Variants in ADGRG7 observed in about 807,000 individuals in gnomAD.
The protein encoded by ADGRG7 is adhesion G protein-coupled receptor G7.
Under a neutral mutation model 88.6 loss-of-function variants are expected in ADGRG7, and 82 were observed. That is an observed-to-expected ratio of 0.93 (90% CI 0.77 to 1.11). The LOEUF (loss-of-function observed/expected upper bound fraction) is 1.11. Among genes scored for constraint, ADGRG7 ranks in the 50% most tolerant of loss-of-function variants. The pLI is 0.00. For missense variants in ADGRG7, 945 were observed against 953.4 expected, an observed-to-expected ratio of 0.99 and a Z score of 0.12; for synonymous variants, 381 against 345.2, an observed-to-expected ratio of 1.10 and a Z score of -1.15.
chr3:100,652,444 C>T (rs1359724389), intron 11 of ADGRG7, among the ~76,000 whole-genome samples: 1 of 151,968 alleles, frequency 6.6e-6, no homozygotes, highest in Non-Finnish European at 1.5e-5. Flanking sequence ...AATGGTATTC[C>T]AAGAGGTCTT....
intron 14 of ADGRG7, among the ~76,000 whole-genome samples, chr3:100,664,709 T>G (rs2094949657): frequency 1.3e-5 from 2 of 152,208 alleles, no homozygotes; most frequent in South Asian, 4.1e-4. Flanking sequence ...AGGAGGCAAC[T>G]GTTGTCTCTC....
chr3:100,678,724 T>C (rs2094968890), intron 15 of ADGRG7, among the ~76,000 whole-genome samples: 1 of 152,228 alleles, frequency 6.6e-6, no homozygotes, highest in Admixed American at 6.5e-5. Flanking sequence ...CTTGGCATCT[T>C]AGGTAAGATC....
At chr3:100,643,488 T>G (rs902527467) in intron 7 of ADGRG7, 38 bp from the exon 8 acceptor site, 1 of 1,605,120 alleles carries the variant, frequency 6.2e-7, no homozygotes. Flanking sequence ...CTCATGATAA[T>G]GTAGACTTTT....
chr3:100,693,012 T>C (rs757491986), intron 15 of ADGRG7, among the ~76,000 whole-genome samples: 1 of 152,198 alleles, frequency 6.6e-6, no homozygotes, highest in Non-Finnish European at 1.5e-5. Flanking sequence ...CTACAGATAT[T>C]ACTTAGAAGG....
intron 15 of ADGRG7, among the ~76,000 whole-genome samples, chr3:100,684,251 T>TTTTATTTATTTATTTATTTA (rs1214410103): frequency 6.8e-5 from 3 of 44,016 alleles, no homozygotes; most frequent in Non-Finnish European, 1.1e-4. Flanking sequence ...AGTTTTTCCA[T>TTTTATTTATTTATTTATTTA]TTTATCTATT....
chr3:100,654,576 A>C, intron 11 of ADGRG7: 1 of 302,152 alleles, frequency 3.3e-6, no homozygotes, highest in Non-Finnish European at 6.1e-6. Flanking sequence ...ATTAGCTATC[A>C]CTTTTGATCA....
chr3:100,620,491 A>T (rs1293377911), intron 1 of ADGRG7, among the ~76,000 whole-genome samples: 1 of 152,196 alleles, frequency 6.6e-6, no homozygotes, highest in East Asian at 1.9e-4. Context: ...CCCTTTGAAA[A>T]CTGGCACAAG....
chr3:100,652,996 T>C (rs1293584365), intron 11 of ADGRG7, among the ~76,000 whole-genome samples: 2 of 152,234 alleles, frequency 1.3e-5, no homozygotes, highest in East Asian at 3.8e-4. Context: ...CGGAATGATT[T>C]ACATTCAAAA....
intron 15 of ADGRG7, among the ~76,000 whole-genome samples, chr3:100,685,916 T>C (rs2149041979): frequency 1.3e-5 from 2 of 152,104 alleles, no homozygotes; most frequent in African/African-American, 4.8e-5. Flanking sequence ...GGTCAAATGG[T>C]ATTTCTAGTT....
chr3:100,693,772 G>T (rs1429644953), intron 15 of ADGRG7, among the ~76,000 whole-genome samples: 1 of 152,134 alleles, frequency 6.6e-6, no homozygotes, highest in Non-Finnish European at 1.5e-5. Flanking sequence ...TACAGCCATA[G>T]TATACTGTCA....
rs1707116337 is a variant in ADGRG7, at chr3:100,609,635, G to C, written c.-222G>C. On this transcript the variant is annotated 5_prime_UTR_variant, in exon 1 of 16. Transcript: ENST00000273352. ...ATGTTCTCCTTGAGTGAAGGATGAG[G>C]AAATTGAAAGCAGAGTATGCACCTT... The C allele has an allele frequency of 2.4e-6, 1 of 410,016 alleles. No individual in the cohort carries two copies. Among genetic ancestry groups the C allele is most frequent in the South Asian group, 2.5e-5 (1 of 40,452 alleles). The allele number at this position is 410,016 out of a possible 1,614,324, so 25.4% of individuals were successfully genotyped here. A position where few individuals can be genotyped will look rare whatever the true frequency, so the allele number is the denominator to read the frequency against.
chr3:100,641,895 A>C (rs1200213184), intron 6 of ADGRG7, among the ~76,000 whole-genome samples: 6 of 151,816 alleles, frequency 4.0e-5, no homozygotes, highest in Non-Finnish European at 7.4e-5. Flanking sequence ...AGCACTAATC[A>C]AAAAAAACCC....
intron 6 of ADGRG7, among the ~76,000 whole-genome samples, chr3:100,641,100 G>A (rs1344237651): frequency 6.6e-6 from 1 of 152,154 alleles, no homozygotes; most frequent in Non-Finnish European, 1.5e-5. Flanking sequence ...AATATAGTGG[G>A]CCTTGTCAAC....
chr3:100,613,841 A>C (rs971725118), intron 1 of ADGRG7, among the ~76,000 whole-genome samples: 4 of 152,144 alleles, frequency 2.6e-5, no homozygotes, highest in Admixed American at 6.5e-5. Flanking sequence ...GACACTTGAG[A>C]GTATAGGGGA....
At chr3:100,670,550 G>C (rs891076261) in intron 15 of ADGRG7, among the ~76,000 whole-genome samples, 1 of 152,058 alleles carries the variant, frequency 6.6e-6, no homozygotes, top group Non-Finnish European at 1.5e-5. Flanking sequence ...TCATATGGTA[G>C]TTCTATTTTT....
chr3:100,683,734 C>T (rs2094977399), intron 15 of ADGRG7, among the ~76,000 whole-genome samples: 1 of 152,196 alleles, frequency 6.6e-6, no homozygotes, highest in Non-Finnish European at 1.5e-5. Flanking sequence ...TGCCACTGGC[C>T]ACATAGATTT....
intron 15 of ADGRG7, among the ~76,000 whole-genome samples, chr3:100,671,291 C>T (rs1230585485): frequency 6.6e-6 from 1 of 152,220 alleles, no homozygotes; most frequent in African/African-American, 2.4e-5. Flanking sequence ...TTGCATTTCT[C>T]TAATGACCAG....
At chr3:100,668,541 C>G (rs2094954455) in intron 14 of ADGRG7, among the ~76,000 whole-genome samples, 1 of 152,236 alleles carries the variant, frequency 6.6e-6, no homozygotes, top group Non-Finnish European at 1.5e-5. Context: ...GAAGATCACT[C>G]TGCATCTAAC....
intron 15 of ADGRG7, among the ~76,000 whole-genome samples, chr3:100,671,236 C>T (rs1010560864): frequency 5.3e-5 from 8 of 152,086 alleles, no homozygotes; most frequent in African/African-American, 1.4e-4. Context: ...TTCTAATGAT[C>T]GCCATTCTAA....
Sources: gnomAD v4.1 joint callset for allele counts (sites outside exome capture counted in the v4.1 genomes callset) on GRCh38, gnomAD v4.1.1 for gene constraint, MANE v1.5 for transcripts, NCBI Gene and HGNC (gene_info 2026-07-23, HGNC 2026-07-21) for gene names.